Variants in CATSPERB observed in about 807,000 individuals in gnomAD.
CATSPERB encodes catsper channel auxiliary subunit beta.
A neutral mutation model predicts 128.3 loss-of-function variants in CATSPERB; 93 were observed. The observed-to-expected ratio is 0.72, with a 90% CI of 0.61 to 0.86. The LOEUF (loss-of-function observed/expected upper bound fraction) is 0.86, where lower values mean the gene tolerates loss of function less well. Ranked by LOEUF, CATSPERB falls within the 40% of genes least tolerant of loss-of-function variation. The pLI, the probability that CATSPERB is intolerant of heterozygous loss-of-function variation, is 0.00. For missense variants in CATSPERB, 1,153 were observed against 1,329.5 expected (o/e 0.87, Z 2.06); for synonymous variants, 381 against 448.8 (o/e 0.85, Z 1.91).
intron 14 of CATSPERB, among the ~76,000 whole-genome samples, chr14:91,668,462 A>G (rs189792592): frequency 3.9e-5 from 6 of 152,222 alleles, no homozygotes; most frequent in African/African-American, 7.2e-5. Flanking sequence ...AAATGGACCA[A>G]TCAGTGCTCT....
chr14:91,700,918 C>A (rs1468177029), intron 7 of CATSPERB, among the ~76,000 whole-genome samples: 1 of 152,026 alleles, frequency 6.6e-6, no homozygotes, highest in Non-Finnish European at 1.5e-5. Flanking sequence ...CAGCATCACA[C>A]AATATACCCA....
intron 18 of CATSPERB, among the ~76,000 whole-genome samples, chr14:91,623,470 G>A (rs1894093873): frequency 6.6e-6 from 1 of 152,032 alleles, no homozygotes. Context: ...TTCTCATTTG[G>A]TCTTATAGCA....
intron 10 of CATSPERB, among the ~76,000 whole-genome samples, chr14:91,685,830 GGGCAGGATGGCTGCAGGTAGA>G (rs1349171529): frequency 1.3e-5 from 2 of 152,124 alleles, no homozygotes; most frequent in Non-Finnish European, 2.9e-5. Flanking sequence ...GCTGCAGTAG[GGGCAGGATGGCTGCAGGTAGA>G]GGCAGGCACA....
chr14:91,632,287 T>C (rs10132169), intron 17 of CATSPERB, among the ~76,000 whole-genome samples: 11,822 of 152,142 alleles, frequency 0.078, 940 homozygotes, highest in East Asian at 0.41. Flanking sequence ...GCTGATGCCA[T>C]GTATCAATAA....
chr14:91,694,095 G>C (rs1369894332), intron 7 of CATSPERB, among the ~76,000 whole-genome samples: 1 of 144,818 alleles, frequency 6.9e-6, no homozygotes, highest in African/African-American at 2.6e-5. Context: ...ACTTCTATTT[G>C]TGAACTGCCA....
chr14:91,697,474 T>G (rs1283062559), intron 7 of CATSPERB, among the ~76,000 whole-genome samples: 1 of 152,142 alleles, frequency 6.6e-6, no homozygotes, highest in East Asian at 1.9e-4. Flanking sequence ...ACTACGGATT[T>G]CAGAGCTAAT....
intron 15 of CATSPERB, among the ~76,000 whole-genome samples, chr14:91,656,695 C>T (rs1199617599): frequency 6.6e-6 from 1 of 151,968 alleles, no homozygotes; most frequent in African/African-American, 2.4e-5. Context: ...CTAAACTCTC[C>T]AATCAAAAGA....
intron 7 of CATSPERB, among the ~76,000 whole-genome samples, chr14:91,693,771 G>A (rs575505104): frequency 9.2e-5 from 14 of 151,822 alleles, no homozygotes; most frequent in Admixed American, 3.9e-4. Context: ...CTTTTTTTAC[G>A]TAGAAGGGCA....
intron 5 of CATSPERB, among the ~76,000 whole-genome samples, chr14:91,714,016 G>T (rs753945636): frequency 6.6e-6 from 1 of 152,122 alleles, no homozygotes; most frequent in East Asian, 1.9e-4. Context: ...AGGAATCAAT[G>T]TAATTTATCA....
At chr14:91,672,022 AAACAACAACAACAAC>A (rs35442642) in intron 13 of CATSPERB, among the ~76,000 whole-genome samples, 5 of 150,026 alleles carry the variant, frequency 3.3e-5, no homozygotes, top group South Asian at 2.1e-4. Flanking sequence ...TCTGTCTCAA[AAACAACAACAACAAC>A]AACAACAACA....
chr14:91,594,488 G>GA lies in CATSPERB; in HGVS notation c.2710-2487dup, dbSNP rs200061052. Among the ~76,000 whole-genome samples, 208 of 145,454 alleles carry GA rather than the reference G, an allele frequency of 1.4e-3. 1 individual carries two copies. The highest frequency in any genetic ancestry group is 4.0e-3 in the African/African-American group (155 of 39,062). On this transcript the variant is annotated intron_variant, in intron 22 of 26. Coordinates refer to ENST00000256343, the MANE Select transcript of CATSPERB (RefSeq NM_024764.4). ...AACTTAAAGTATAATAATAATAAAA[G>GA]AAAAAAAAAAAAAGAAGTGCCTTTT...
intron 14 of CATSPERB, among the ~76,000 whole-genome samples, chr14:91,669,236 C>T (rs1895043741): frequency 2.0e-5 from 3 of 151,728 alleles, no homozygotes; most frequent in African/African-American, 7.3e-5. Context: ...CTTTGGAAGT[C>T]ATTGCAGTAC....
intron 15 of CATSPERB, among the ~76,000 whole-genome samples, chr14:91,640,491 A>G (rs527319938): frequency 5.2e-4 from 59 of 113,792 alleles, no homozygotes; most frequent in African/African-American, 1.8e-3. Flanking sequence ...GAGAATATGC[A>G]GTGTTTGGTT....
At position 91,589,626 on chromosome 14, in the gene CATSPERB, A is replaced by T. The variant is rs780486352; in HGVS notation, c.2864T>A (p.Leu955Ter). ...ACGTCCATCCTCGTTGATAATTTCC[A>T]AAGAAACTGGATATTGTGTAATTGG... The part of the protein sequence containing the change: ...KFPITQYPVS[L>*]EIINEDGRVP... The change falls in exon 24 of 27, where the codon TTG (leucine) becomes TAG (stop). Residue 955 changes from leucine to a stop codon, truncating the protein, a stop_gained. Coordinates refer to ENST00000256343, the MANE Select transcript of CATSPERB (RefSeq NM_024764.4). LOFTEE classifies it high-confidence loss of function. 4 of 1,613,998 alleles carry T rather than the reference A, an allele frequency of 2.5e-6. No individual in the cohort carries two copies. The highest frequency in any genetic ancestry group is 3.4e-6 in the Non-Finnish European group (4 of 1,179,866).
chr14:91,629,819 C>T (rs78475180), intron 17 of CATSPERB, among the ~76,000 whole-genome samples: 3,298 of 152,212 alleles, frequency 0.022, 109 homozygotes, highest in African/African-American at 0.076. Context: ...TGATTAAGCA[C>T]TGCTGTTCCA....
intron 7 of CATSPERB, among the ~76,000 whole-genome samples, chr14:91,696,761 G>C (rs1034337990): frequency 9.9e-5 from 15 of 152,170 alleles, no homozygotes; most frequent in African/African-American, 3.4e-4. Context: ...ACAGATGTAA[G>C]AGCAAGGTTG....
chr14:91,619,754 AT>A (rs577980652), intron 19 of CATSPERB, among the ~76,000 whole-genome samples: 531 of 151,988 alleles, frequency 3.5e-3, no homozygotes, highest in Non-Finnish European at 6.0e-3. Context: ...CTTTTCCTCA[AT>A]TTGTGATCAA....
chr14:91,626,589 CT>C (rs999740874), intron 17 of CATSPERB, among the ~76,000 whole-genome samples: 244 of 152,154 alleles, frequency 1.6e-3, no homozygotes, highest in African/African-American at 5.6e-3. Context: ...TTCCCTCCCC[CT>C]GTCTTTCTCT....
intron 6 of CATSPERB, among the ~76,000 whole-genome samples, chr14:91,706,209 G>C (rs1376173167): frequency 1.3e-5 from 2 of 152,122 alleles, no homozygotes; most frequent in East Asian, 3.9e-4. Context: ...GGTTGACGTA[G>C]TGCAGCACAA....
Sources: gnomAD v4.1 joint callset for allele counts (sites outside exome capture counted in the v4.1 genomes callset) on GRCh38, gnomAD v4.1.1 for gene constraint, MANE v1.5 for transcripts, NCBI Gene and HGNC (gene_info 2026-07-23, HGNC 2026-07-21) for gene names.